CSMD3: variants seen among roughly 807,000 people sequenced by gnomAD.
CSMD3 encodes CUB and sushi domain-containing protein 3.
A neutral mutation model predicts 435.2 loss-of-function variants in CSMD3; 177 were observed. The observed-to-expected ratio is 0.41, with a 90% CI of 0.36 to 0.46. The LOEUF is 0.46. Among genes scored for constraint, CSMD3 ranks in the 20% least tolerant of loss-of-function variants. The probability of loss-of-function intolerance (pLI) is 0.34; values close to 1 mark genes in which losing one functional copy is unlikely to be tolerated. For missense variants in CSMD3, 4,265 were observed against 4,504.6 expected (o/e 0.95, Z 1.52); for synonymous variants, 1,656 against 1,520.5 (o/e 1.09, Z -2.07).
intron 22 of CSMD3, among the ~76,000 whole-genome samples, chr8:112,627,831 T>A (rs950845333): frequency 3.3e-5 from 5 of 152,132 alleles, no homozygotes; most frequent in African/African-American, 1.2e-4. Context: ...TGTCTTCTGT[T>A]CAGAATGAGC....
At chr8:112,604,418 C>T (rs1449668775) in intron 22 of CSMD3, among the ~76,000 whole-genome samples, 2 of 151,882 alleles carry the variant, frequency 1.3e-5, no homozygotes. Flanking sequence ...CAGCGTGGTA[C>T]TGATATAAAA....
At chr8:113,270,666 TC>T (rs2093516025) in intron 3 of CSMD3, among the ~76,000 whole-genome samples, 1 of 152,092 alleles carries the variant, frequency 6.6e-6, no homozygotes. Flanking sequence ...TGAGTTCATG[TC>T]CTTTGTAGGG....
At chr8:113,374,870 A>G (rs1588623523) in intron 1 of CSMD3, among the ~76,000 whole-genome samples, 1 of 150,848 alleles carries the variant, frequency 6.6e-6, no homozygotes, top group East Asian at 1.9e-4. Flanking sequence ...ACACCATAAT[A>G]CCATGAGGAT....
At chr8:112,363,071 G>A (rs1423728586) in intron 38 of CSMD3, among the ~76,000 whole-genome samples, 2 of 151,962 alleles carry the variant, frequency 1.3e-5, no homozygotes, top group Non-Finnish European at 2.9e-5. Flanking sequence ...TCAGAGTTAA[G>A]ACCACAACCT....
At chr8:113,004,311 G>C (rs1348443964) in intron 6 of CSMD3, among the ~76,000 whole-genome samples, 1 of 151,864 alleles carries the variant, frequency 6.6e-6, no homozygotes, top group African/African-American at 2.4e-5. Context: ...AAGTTGTTTA[G>C]CCAAAGAATA....
intron 49 of CSMD3, 46 bp downstream of exon 49, chr8:112,313,860 C>A (rs755461444): frequency 6.9e-7 from 1 of 1,450,370 alleles, no homozygotes. Flanking sequence ...ATAATCATAC[C>A]GAAGATGATA....
At chr8:112,326,434 C>T (rs75976788) in intron 45 of CSMD3, among the ~76,000 whole-genome samples, 2,078 of 152,232 alleles carry the variant, frequency 0.014, 50 homozygotes, top group African/African-American at 0.047. Context: ...AGGCAAACTG[C>T]TAAGAATCTG....
At chr8:112,709,063 G>A (rs551336979) in intron 13 of CSMD3, among the ~76,000 whole-genome samples, 3 of 152,180 alleles carry the variant, frequency 2.0e-5, no homozygotes, top group South Asian at 2.1e-4. Context: ...CTCTGAATAA[G>A]TAGCCTTGAT....
At chr8:112,727,297 T>C (rs577803829) in intron 13 of CSMD3, among the ~76,000 whole-genome samples, 101 of 151,942 alleles carry the variant, frequency 6.6e-4, no homozygotes, top group African/African-American at 2.4e-3. Context: ...ACAAACTGAA[T>C]ATACTGCAAT....
At chr8:113,014,671 G>C (rs1389716782) in intron 6 of CSMD3, among the ~76,000 whole-genome samples, 8 of 152,008 alleles carry the variant, frequency 5.3e-5, no homozygotes, top group Admixed American at 5.2e-4. Flanking sequence ...CATTATGAAA[G>C]CTTAACTACC....
chr8:112,515,753 C>T (rs562993700), intron 28 of CSMD3, among the ~76,000 whole-genome samples: 91 of 151,942 alleles, frequency 6.0e-4, no homozygotes, highest in African/African-American at 2.0e-3. Flanking sequence ...TAGAACTGTC[C>T]GTCTACTGCC....
At chr8:113,199,173 T>C (rs971536671) in intron 3 of CSMD3, among the ~76,000 whole-genome samples, 1 of 151,138 alleles carries the variant, frequency 6.6e-6, no homozygotes, top group South Asian at 2.1e-4. Context: ...ATATTTTCTT[T>C]ATCTGAATAG....
intron 11 of CSMD3, among the ~76,000 whole-genome samples, chr8:112,849,652 T>A (rs1378336757): frequency 6.6e-6 from 1 of 151,812 alleles, no homozygotes; most frequent in East Asian, 1.9e-4. Context: ...CAAACTGGGA[T>A]GTTAAATATT....
At chr8:113,068,113 GTTC>G (rs2088942353) in intron 5 of CSMD3, among the ~76,000 whole-genome samples, 1 of 152,134 alleles carries the variant, frequency 6.6e-6, no homozygotes, top group Non-Finnish European at 1.5e-5. Context: ...TATAAAAAGA[GTTC>G]TGTATAAAAT....
intron 32 of CSMD3, among the ~76,000 whole-genome samples, chr8:112,441,399 TAAG>T (rs1052373558): frequency 1.3e-5 from 2 of 152,196 alleles, no homozygotes; most frequent in Non-Finnish European, 2.9e-5. Flanking sequence ...TCCCAGTTTC[TAAG>T]AAGTTCCAAA....
At chr8:113,179,796 A>G (rs2092398293) in intron 3 of CSMD3, among the ~76,000 whole-genome samples, 1 of 151,864 alleles carries the variant, frequency 6.6e-6, no homozygotes, top group Non-Finnish European at 1.5e-5. Context: ...GATAAATGAA[A>G]TAAAACTCTA....
intron 4 of CSMD3, among the ~76,000 whole-genome samples, chr8:113,107,592 C>A (rs1324633723): frequency 6.6e-6 from 1 of 152,144 alleles, no homozygotes; most frequent in African/African-American, 2.4e-5. Context: ...AACCATGTTT[C>A]ATTGTGGATG....
rs1346899467 is a variant in CSMD3 at position 112,602,411 on chromosome 8, C to T, written c.3716-15176G>A. 3.3e-5 allele frequency among the ~76,000 whole-genome samples: 5 copies of T among 151,894 alleles called. No individual in the cohort carries two copies. The East Asian group carries it at 9.7e-4, about 30-fold the overall frequency. ...TGAAACCCTGTCTCTACTAAAAACA[C>T]AAAAATTAGCTGGGTGTGGTGGCGG... is the stretch of plus-strand genomic sequence containing the variant. On this transcript the variant is annotated intron_variant, in intron 22 of 70. Coordinates refer to ENST00000297405, the MANE Select transcript of CSMD3 (RefSeq NM_198123.2).
chr8:112,983,186 A>C (rs2085116920), intron 6 of CSMD3, among the ~76,000 whole-genome samples: 1 of 151,876 alleles, frequency 6.6e-6, no homozygotes, highest in South Asian at 2.1e-4. Context: ...ACCAATAATT[A>C]TTGAAAGAAA....
Sources: allele counts gnomAD v4.1 joint callset (sites outside exome capture counted in the v4.1 genomes callset), GRCh38; gene constraint gnomAD v4.1.1; transcripts MANE v1.5; gene names NCBI Gene and HGNC (gene_info 2026-07-23, HGNC 2026-07-21).